Variants in PCDHA5 observed in about 807,000 individuals in gnomAD.
PCDHA5 encodes protocadherin alpha 5.
Under a neutral mutation model 61.6 loss-of-function variants are expected in PCDHA5, and 43 were observed. That is an observed-to-expected ratio of 0.70 (90% CI 0.55 to 0.90). PCDHA5 has a LOEUF of 0.90. Ranked by LOEUF, PCDHA5 falls within the 40% of genes least tolerant of loss-of-function variation. The pLI is 0.00. For synonymous variants in PCDHA5, 627 were observed against 543.9 expected, an observed-to-expected ratio of 1.15 and a Z score of -2.13; for missense variants, 1,298 against 1,222.7, an observed-to-expected ratio of 1.06 and a Z score of -0.92.
chr5:140,828,877 C>G (rs2150160055), intron 1 of PCDHA5: 9 of 1,614,072 alleles, frequency 5.6e-6, no homozygotes, highest in Non-Finnish European at 7.6e-6. Context: ...CAACAGTTAT[C>G]AGACTGAATG....
intron 1 of PCDHA5, among the ~76,000 whole-genome samples, chr5:140,881,030 A>G (rs959156727): frequency 6.6e-6 from 1 of 152,234 alleles, no homozygotes; most frequent in Non-Finnish European, 1.5e-5. Flanking sequence ...CCCAACAGTC[A>G]TTTCCTATAG....
chr5:140,831,428 T>A (rs1771525057), intron 1 of PCDHA5, among the ~76,000 whole-genome samples: 1 of 151,652 alleles, frequency 6.6e-6, no homozygotes. Context: ...GGTGCAATAA[T>A]GGCTCACTGC....
At position 140,822,244 on chromosome 5, in the gene PCDHA5, T is replaced by C. The variant is rs1424372692; in HGVS notation, c.469T>C (p.Ser157Pro). 2 of 1,614,120 alleles carry C rather than the reference T, an allele frequency of 1.2e-6. No individual in the cohort carries two copies. The highest frequency in any genetic ancestry group is 1.7e-6 in the Non-Finnish European group (2 of 1,180,056). The change falls in exon 1 of 4, where the codon TCG (serine) becomes CCG (proline). Residue 157 changes from serine (S) to proline (P), a missense_variant. Ser to Pro is a moderately conservative substitution (Grantham distance 74). Transcript: ENST00000529859. ...TTCGCGGTTTCCGCTAGAGGGCGCG[T>C]CGGATTTGGATATTGGAGCAAATGC... Reference protein sequence around the residue: ...PDSRFPLEGASDLDIGANAQL... With the variant: ...PDSRFPLEGAPDLDIGANAQL...
At chr5:140,842,984 G>C in intron 1 of PCDHA5, 2 of 1,595,034 alleles carry the variant, frequency 1.3e-6, no homozygotes. Flanking sequence ...GCAGGTGTTC[G>C]TGCTGGACGA....
rs1307653192 is a variant in PCDHA5, at chr5:141,009,883, G to C, written c.2757G>C (p.Lys919Asn). 1.2e-6 allele frequency: 2 copies of C among 1,613,212 alleles called. No individual in the cohort carries two copies. Among genetic ancestry groups the C allele is most frequent in the Non-Finnish European group, 1.7e-6 (2 of 1,179,888 alleles). Reference sequence around the variant, plus strand: ...AGAAGAAAAAGAAGAAGGGTAACAAGACCCAGGAGAAAAAAGAGAAAGGGA... The same window carrying C: ...AGAAGAAAAAGAAGAAGGGTAACAACACCCAGGAGAAAAAAGAGAAAGGGA... ...KKKKKKKKGNKTQEKKEKGNS... is the reference protein window; with the variant it reads ...KKKKKKKKGNNTQEKKEKGNS... The change falls in exon 4 of 4, where the codon AAG becomes AAC. Residue 919 changes from lysine (K) to asparagine (N), a missense_variant. Coordinates refer to ENST00000529859, the MANE Select transcript of PCDHA5 (RefSeq NM_018908.3).
intron 1 of PCDHA5, chr5:140,861,363 G>A: frequency 2.8e-6 from 1 of 354,256 alleles, no homozygotes; most frequent in Non-Finnish European, 5.8e-6. Flanking sequence ...TAGCGTCTTC[G>A]CGGTCCCTAT....
At chr5:140,991,808 G>A (rs367660702) in intron 3 of PCDHA5, among the ~76,000 whole-genome samples, 4 of 152,074 alleles carry the variant, frequency 2.6e-5, no homozygotes, top group East Asian at 1.9e-4. Flanking sequence ...GGCCACTTCC[G>A]CATTTTTAGG....
Position 140,923,994 on chromosome 5 carries a change from C to T in PCDHA5, c.2353-54955C>T, listed in dbSNP as rs147193427. ...ACATACTATCCCTCTAGGTGCAGCT[C>T]AGAATTCCTAAACCTGGTATAATTG... On this transcript the variant is annotated intron_variant, in intron 1 of 3. Transcript: ENST00000529859. Among the ~76,000 whole-genome samples the T allele has an allele frequency of 8.1e-3, 1,228 of 152,292 alleles. 6 individuals are homozygous for T. The highest frequency in any genetic ancestry group is 0.019 in the African/African-American group (795 of 41,560).
chr5:140,962,787 C>T (rs2095707732), intron 1 of PCDHA5, among the ~76,000 whole-genome samples: 1 of 152,224 alleles, frequency 6.6e-6, no homozygotes, highest in Non-Finnish European at 1.5e-5. Context: ...TTTTTAAAAA[C>T]TACTTTGGAC....
At chr5:140,877,193 G>A (rs1554169443) in intron 1 of PCDHA5, 1 of 1,613,832 alleles carries the variant, frequency 6.2e-7, no homozygotes, top group Non-Finnish European at 8.5e-7. Context: ...GGCAGCGCAG[G>A]AGGCGCAGTT....
At position 140,835,847 on chromosome 5, in the gene PCDHA5, G is replaced by C. The variant is rs140727991; in HGVS notation, c.2352+11720G>C. 590 of 1,612,226 alleles carry C rather than the reference G, an allele frequency of 3.7e-4. 11 individuals are homozygous for C. The highest frequency in any genetic ancestry group is 6.3e-4 in the Admixed American group (38 of 59,986). On this transcript the variant is annotated intron_variant, in intron 1 of 3. Coordinates refer to ENST00000529859, the MANE Select transcript of PCDHA5 (RefSeq NM_018908.3). ...GGGACGCGGACGCGCAGAAGAACGC[G>C]CTGGTGTCCTACTCGCTGGTGGAGC...
chr5:140,957,333 A>T (rs2095351211), intron 1 of PCDHA5, among the ~76,000 whole-genome samples: 1 of 152,164 alleles, frequency 6.6e-6, no homozygotes, highest in African/African-American at 2.4e-5. Context: ...GTACAGTAAG[A>T]TATTTTGAGA....
intron 1 of PCDHA5, 66 bp from the exon 2 acceptor site, chr5:140,978,883 T>C: frequency 6.2e-7 from 1 of 1,611,182 alleles, no homozygotes; most frequent in Non-Finnish European, 8.5e-7. Flanking sequence ...ACTAATCAAT[T>C]AGCAGCATTC....
rs376781836 is a variant in PCDHA5 at position 140,858,274 on chromosome 5, G to A, written c.2352+34147G>A. On this transcript the variant is annotated intron_variant, in intron 1 of 3. Coordinates refer to ENST00000529859, the MANE Select transcript of PCDHA5 (RefSeq NM_018908.3). ...AGCCCACGCTGGTGTGCTCTAGCGCGGTGGGGAGCTGGTCTTACTCGCAGC... is the reference window on the plus strand; with the variant it reads ...AGCCCACGCTGGTGTGCTCTAGCGCAGTGGGGAGCTGGTCTTACTCGCAGC... The A allele has an allele frequency of 1.3e-5, 21 of 1,597,416 alleles. 1 individual carries two copies. The African/African-American group carries it at 2.6e-4, about 19-fold the overall frequency.
intron 1 of PCDHA5, chr5:140,835,967 G>A (rs2150249249): frequency 2.5e-6 from 4 of 1,613,286 alleles, no homozygotes; most frequent in Admixed American, 1.7e-5. Context: ...ACGAGGAGCT[G>A]GAGCTGTTGC....
chr5:140,899,225 A>C (rs1479429839), intron 1 of PCDHA5, among the ~76,000 whole-genome samples: 1 of 152,038 alleles, frequency 6.6e-6, no homozygotes, highest in African/African-American at 2.4e-5. Context: ...TTCCAACACT[A>C]TGTTGAATAG....
intron 1 of PCDHA5, chr5:140,828,634 T>C (rs1769862472): frequency 6.2e-7 from 1 of 1,614,188 alleles, no homozygotes; most frequent in Non-Finnish European, 8.5e-7. Context: ...TCGGGCTAGA[T>C]GTGAAAATAA....
intron 1 of PCDHA5, chr5:140,852,273 GT>G (rs2042286951): frequency 2.0e-6 from 1 of 502,736 alleles, no homozygotes; most frequent in South Asian, 8.6e-5. Context: ...AATATTACAT[GT>G]TTTTTGTCTT....
At chr5:140,862,429 A>G (rs2047360800) in intron 1 of PCDHA5, 1 of 354,378 alleles carries the variant, frequency 2.8e-6, no homozygotes, top group Admixed American at 3.8e-5. Context: ...CCCAGAAACT[A>G]TTCGTTGGTA....
Sources: allele counts gnomAD v4.1 joint callset (sites outside exome capture counted in the v4.1 genomes callset), GRCh38; gene constraint gnomAD v4.1.1; transcripts MANE v1.5; gene names NCBI Gene and HGNC (gene_info 2026-07-23, HGNC 2026-07-21).